Variants in FNTA observed in about 807,000 individuals in gnomAD.
FNTA encodes the protein protein farnesyltransferase/geranylgeranyltransferase type-1 subunit alpha.
A neutral mutation model predicts 55.2 loss-of-function variants in FNTA; 27 were observed. The ratio of observed to expected loss-of-function variants is 0.49; its 90% CI spans 0.36 to 0.67. FNTA has a LOEUF of 0.67. FNTA is among the 30% of genes least tolerant of loss of function. FNTA has a pLI of 0.00. For missense variants in FNTA, 422 were observed against 464.7 expected, an observed-to-expected ratio of 0.91 and a Z score of 0.85; for synonymous variants, 176 against 170.7, an observed-to-expected ratio of 1.03 and a Z score of -0.24.
At chr8:43,082,767 G>A (rs1811050484) in intron 6 of FNTA, 1 of 166,082 alleles carries the variant, frequency 6.0e-6, no homozygotes, top group South Asian at 1.5e-4. Context: ...CTGTGTCTTG[G>A]CCGGGCGCAG....
chr8:43,069,573 T>G lies in FNTA; in HGVS notation c.420T>G (p.Leu140=). 6.2e-7 allele frequency: 1 copy of G among 1,612,974 alleles called. No individual in the cohort carries two copies. The highest frequency in any genetic ancestry group is 8.5e-7 in the Non-Finnish European group (1 of 1,179,018). ...NYTVWHFRRV[L]LKSLQKDLHE... ...GCCCTAGGCATTTCCGGAGAGTTCTTTTGAAGTCACTTCAGAAGGATCTAC... is the reference window on the plus strand; with the variant it reads ...GCCCTAGGCATTTCCGGAGAGTTCTGTTGAAGTCACTTCAGAAGGATCTAC... Residue 140 remains leucine, a synonymous_variant, in exon 4 of 9, where the codon CTT becomes CTG. Transcript: ENST00000302279.
intron 5 of FNTA, among the ~76,000 whole-genome samples, chr8:43,075,193 T>C (rs1810882467): frequency 6.6e-6 from 1 of 152,208 alleles, no homozygotes; most frequent in South Asian, 2.1e-4. Context: ...GTTTACTCTC[T>C]ATCCTTAGCA....
chr8:43,075,679 G>T (rs1383553747), intron 5 of FNTA, among the ~76,000 whole-genome samples: 3 of 152,216 alleles, frequency 2.0e-5, no homozygotes, highest in Admixed American at 2.0e-4. Flanking sequence ...AGCCGGTTAT[G>T]TTGGCTCACA....
intron 2 of FNTA, 135 bp from the exon 3 acceptor site, chr8:43,063,966 T>G (rs764061735): frequency 3.0e-4 from 185 of 621,474 alleles, no homozygotes; most frequent in Middle Eastern, 1.3e-3. Context: ...GCCACAGCCA[T>G]TTGACTTTAT....
chr8:43,081,418 A>G (rs1246628276), intron 6 of FNTA: 1 of 152,200 alleles, frequency 6.6e-6, no homozygotes, highest in Admixed American at 6.5e-5. Context: ...AGCATTTACT[A>G]TATGCCACTA....
intron 2 of FNTA, among the ~76,000 whole-genome samples, chr8:43,060,602 G>C (rs1454766913): frequency 1.3e-5 from 2 of 151,726 alleles, no homozygotes; most frequent in African/African-American, 4.9e-5. Flanking sequence ...TTGAACCTGA[G>C]AGGTGGAGGT....
intron 5 of FNTA, chr8:43,073,395 A>C (rs1810838949): frequency 6.6e-6 from 1 of 152,194 alleles, no homozygotes; most frequent in South Asian, 2.1e-4. Flanking sequence ...TCGTATGAGA[A>C]AGGATTCCAG....
rs1811045487 is a variant in FNTA at position 43,082,479 on chromosome 8, T to C, written c.783-639T>C. The C allele has an allele frequency of 2.0e-5, 3 of 152,268 alleles. No homozygotes were observed. The South Asian group carries it at 6.2e-4, about 31-fold the overall frequency. The allele number at this position is 152,268 out of a possible 1,614,324, so 9.4% of individuals were successfully genotyped here. ...TTAGACTGTTTCCCCAAGGTTGCTT[T>C]ACCAATAAATGGAAAGTTTCCTTCT... On this transcript the variant is annotated intron_variant, in intron 6 of 8. Coordinates refer to ENST00000302279, the MANE Select transcript of FNTA (RefSeq NM_002027.3).
chr8:43,083,004 C>G, intron 6 of FNTA, 114 bp from the exon 7 acceptor site: 1 of 571,922 alleles, frequency 1.7e-6, no homozygotes, highest in South Asian at 1.9e-5. Flanking sequence ...TGAGATTGTG[C>G]CACTGCACTC....
At chr8:43,072,913 CAA>C (rs1214961718) in intron 5 of FNTA, among the ~76,000 whole-genome samples, 1 of 152,026 alleles carries the variant, frequency 6.6e-6, no homozygotes, top group African/African-American at 2.4e-5. Context: ...TTTTAACTAA[CAA>C]AGGCATATTA....
At chr8:43,084,268 G>T (rs1389644850) in intron 7 of FNTA, among the ~76,000 whole-genome samples, 1 of 143,680 alleles carries the variant, frequency 7.0e-6, no homozygotes, top group African/African-American at 2.6e-5. Flanking sequence ...TGCCTAGGCT[G>T]GAGGGCAGTG....
chr8:43,060,284 T>C (rs933852761), intron 2 of FNTA, among the ~76,000 whole-genome samples: 10 of 152,236 alleles, frequency 6.6e-5, no homozygotes, highest in Admixed American at 5.9e-4. Flanking sequence ...CCATAACTTA[T>C]TCAGATTCAT....
At chr8:43,060,850 A>C (rs965784519) in intron 2 of FNTA, among the ~76,000 whole-genome samples, 1 of 152,168 alleles carries the variant, frequency 6.6e-6, no homozygotes, top group African/African-American at 2.4e-5. Flanking sequence ...GTGTGGAAGA[A>C]GGTATGTCAT....
intron 7 of FNTA, 103 bp downstream of exon 7, chr8:43,083,283 T>C (rs1811060965): frequency 1.5e-6 from 1 of 676,770 alleles, no homozygotes; most frequent in Non-Finnish European, 2.5e-6. Context: ...TAGTAAATAA[T>C]TTTTCATTTT....
intron 6 of FNTA, chr8:43,082,239 G>A (rs1811039761): frequency 6.6e-6 from 1 of 152,210 alleles, no homozygotes; most frequent in African/African-American, 2.4e-5. Context: ...TCTGTTTAAG[G>A]GGAAGATAAA....
chr8:43,061,648 A>G (rs538255065), intron 2 of FNTA, among the ~76,000 whole-genome samples: 1 of 152,242 alleles, frequency 6.6e-6, no homozygotes, highest in Non-Finnish European at 1.5e-5. Flanking sequence ...TATAACATGA[A>G]CAGATCTCAG....
intron 2 of FNTA, among the ~76,000 whole-genome samples, chr8:43,062,173 ATG>A (rs35607201): frequency 0.061 from 9,034 of 148,930 alleles, 332 homozygotes; most frequent in Non-Finnish European, 0.083. Flanking sequence ...TGTATGTTTT[ATG>A]TGTGTGTGTG....
At chr8:43,064,957 C>T (rs902781813) in intron 3 of FNTA, among the ~76,000 whole-genome samples, 6 of 151,756 alleles carry the variant, frequency 4.0e-5, no homozygotes, top group African/African-American at 9.7e-5. Flanking sequence ...CTGCCTCAGC[C>T]TCCCCAGTAG....
At chr8:43,076,581 TGATA>T (rs1008294265) in intron 5 of FNTA, 4 of 152,182 alleles carry the variant, frequency 2.6e-5, no homozygotes, top group African/African-American at 9.7e-5. Context: ...CCTTTTACTT[TGATA>T]TATTAATATC....
Sources: gnomAD v4.1 joint callset for allele counts (sites outside exome capture counted in the v4.1 genomes callset) on GRCh38, gnomAD v4.1.1 for gene constraint, MANE v1.5 for transcripts, NCBI Gene and HGNC (gene_info 2026-07-23, HGNC 2026-07-21) for gene names.